Variants in RBM20 observed in about 807,000 individuals in gnomAD.
RBM20 encodes the protein RNA-binding protein 20.
RBM20 carries 51 observed loss-of-function variants against 110.1 expected under a neutral mutation model. The ratio of observed to expected loss-of-function variants is 0.46; its 90% confidence interval spans 0.37 to 0.59. The LOEUF is 0.59. Ranked by LOEUF, RBM20 falls within the 20% of genes least tolerant of loss-of-function variation. The pLI is 0.00. For synonymous variants in RBM20, 589 were observed against 618.2 expected, an observed-to-expected ratio of 0.95 and a Z score of 0.70; for missense variants, 1,512 against 1,574.9, an observed-to-expected ratio of 0.96 and a Z score of 0.68.
At chr10:110,726,981 G>A (rs1843566929) in intron 1 of RBM20, among the ~76,000 whole-genome samples, 1 of 152,036 alleles carries the variant, frequency 6.6e-6, no homozygotes. Context: ...GGAGTAGCTG[G>A]TATCACAGGT....
At chr10:110,724,551 G>A (rs1843541501) in intron 1 of RBM20, among the ~76,000 whole-genome samples, 1 of 152,154 alleles carries the variant, frequency 6.6e-6, no homozygotes, top group African/African-American at 2.4e-5. Flanking sequence ...CTGTGAGTGG[G>A]GAGAAGCATT....
chr10:110,709,480 A>T (rs1389587160), intron 1 of RBM20, among the ~76,000 whole-genome samples: 1 of 151,508 alleles, frequency 6.6e-6, no homozygotes, highest in African/African-American at 2.4e-5. Flanking sequence ...ACCATCTCTT[A>T]CTTTTCTGTC....
intron 1 of RBM20, among the ~76,000 whole-genome samples, chr10:110,705,687 A>G (rs746488069): frequency 6.6e-6 from 1 of 152,220 alleles, no homozygotes; most frequent in Non-Finnish European, 1.5e-5. Context: ...AAACTTACAT[A>G]TATATTAATC....
rs138023614 is a variant in RBM20 at position 110,802,595 on chromosome 10, G to T, written c.1800+2677G>T. 1.1e-3 allele frequency among the ~76,000 whole-genome samples: 161 copies of T among 152,264 alleles called. 2 individuals carry two copies. Among genetic ancestry groups the T allele is most frequent in the Middle Eastern group, 6.8e-3 (2 of 294 alleles). On this transcript the variant is annotated intron_variant, in intron 7 of 13. Coordinates refer to ENST00000369519, the MANE Select transcript of RBM20 (RefSeq NM_001134363.3). ...TAATTAGGATTAACGGCAGTAATTGGCTTCTTAAATTAAAGTACCAAAGCA... is the reference window on the plus strand; with the variant it reads ...TAATTAGGATTAACGGCAGTAATTGTCTTCTTAAATTAAAGTACCAAAGCA...
rs548885521 is a variant in RBM20 at position 110,753,232 on chromosome 10, G to A, written c.192-27569G>A. Reference sequence around the variant, plus strand: ...ACAGGTGTGAGCCACCGTGCCTGGCGAAATTATAATATTTATACTGACAGT... The same window carrying A: ...ACAGGTGTGAGCCACCGTGCCTGGCAAAATTATAATATTTATACTGACAGT... On this transcript the variant is annotated intron_variant, in intron 1 of 13. Transcript: ENST00000369519. 6.6e-5 allele frequency among the ~76,000 whole-genome samples: 10 copies of A among 151,012 alleles called. No individual in the cohort carries two copies. The East Asian group carries it at 1.4e-3, about 21-fold the overall frequency.
At chr10:110,702,991 G>GTTTTTTTTTTTTT (rs11309120) in intron 1 of RBM20, among the ~76,000 whole-genome samples, 1 of 125,188 alleles carries the variant, frequency 8.0e-6, no homozygotes, top group African/African-American at 2.8e-5. Flanking sequence ...TTTTTTTCTT[G>GTTTTTTTTTTTTT]TTTTTTTTTT....
At chr10:110,741,630 C>A (rs1013493417) in intron 1 of RBM20, among the ~76,000 whole-genome samples, 1 of 152,208 alleles carries the variant, frequency 6.6e-6, no homozygotes, top group African/African-American at 2.4e-5. Flanking sequence ...ACTGCCCCAC[C>A]AAGCCTTCTG....
intron 1 of RBM20, among the ~76,000 whole-genome samples, chr10:110,665,665 T>G (rs7911029): frequency 0.28 from 42,106 of 151,990 alleles, 6,154 homozygotes; most frequent in Middle Eastern, 0.35. Context: ...ATATATATGA[T>G]AATCTATGAT....
chr10:110,735,520 C>T (rs867102422), intron 1 of RBM20, among the ~76,000 whole-genome samples: 12 of 152,214 alleles, frequency 7.9e-5, no homozygotes, highest in Middle Eastern at 3.4e-3. Context: ...ATGTGTTTTC[C>T]GAGCCTCCTG....
chr10:110,819,809 G>A (rs550287622), intron 9 of RBM20, among the ~76,000 whole-genome samples: 1 of 152,224 alleles, frequency 6.6e-6, no homozygotes, highest in South Asian at 2.1e-4. Context: ...AAAGACATCG[G>A]GCCAGGCTTC....
At chr10:110,652,438 GA>G (rs1861963908) in intron 1 of RBM20, among the ~76,000 whole-genome samples, 1 of 152,092 alleles carries the variant, frequency 6.6e-6, no homozygotes. Context: ...TACAATAAAA[GA>G]AAACAATAAA....
intron 1 of RBM20, among the ~76,000 whole-genome samples, chr10:110,706,433 T>C (rs1295542198): frequency 6.6e-6 from 1 of 152,244 alleles, no homozygotes; most frequent in Non-Finnish European, 1.5e-5. Flanking sequence ...AGGTTGGAGC[T>C]CAGCGTGACC....
chr10:110,700,744 G>A (rs952778358), intron 1 of RBM20, among the ~76,000 whole-genome samples: 3 of 152,134 alleles, frequency 2.0e-5, no homozygotes, highest in Non-Finnish European at 2.9e-5. Flanking sequence ...GGCCAGGCAC[G>A]GTGGCTCACC....
intron 1 of RBM20, among the ~76,000 whole-genome samples, chr10:110,716,501 A>G (rs964327084): frequency 4.6e-5 from 7 of 152,212 alleles, no homozygotes; most frequent in African/African-American, 1.7e-4. Flanking sequence ...GTGATCTAAT[A>G]TTGCAAGTTA....
intron 7 of RBM20, among the ~76,000 whole-genome samples, chr10:110,803,633 G>A (rs867435171): frequency 4.6e-5 from 7 of 151,946 alleles, no homozygotes; most frequent in Non-Finnish European, 8.8e-5. Flanking sequence ...TCCCCAAGCT[G>A]CCATATTCCC....
chr10:110,703,883 G>T (rs550312330), intron 1 of RBM20, among the ~76,000 whole-genome samples: 1 of 152,180 alleles, frequency 6.6e-6, no homozygotes. Context: ...AGGCCACGGT[G>T]GGTGGATCAC....
At chr10:110,710,488 C>A (rs1862908396) in intron 1 of RBM20, among the ~76,000 whole-genome samples, 1 of 139,696 alleles carries the variant, frequency 7.2e-6, no homozygotes, top group Non-Finnish European at 1.6e-5. Context: ...AATATTGGGG[C>A]TGCCCCACTG....
At chr10:110,684,308 C>T (rs1420288793) in intron 1 of RBM20, among the ~76,000 whole-genome samples, 9 of 152,008 alleles carry the variant, frequency 5.9e-5, no homozygotes, top group Non-Finnish European at 7.4e-5. Context: ...GCAGGAGAAT[C>T]GTTTGAACCC....
chr10:110,820,088 A>C lies in RBM20; in HGVS notation c.2567A>C (p.Gln856Pro), dbSNP rs1442388691. The C allele has an allele frequency of 1.3e-6, 2 of 1,550,030 alleles. No individual in the cohort carries two copies. The highest frequency in any genetic ancestry group is 1.7e-6 in the Non-Finnish European group (2 of 1,145,734). The change falls in exon 10 of 14, where the codon CAG becomes CCG. Residue 856 changes from glutamine to proline, a missense_variant. Gln to Pro is a moderately conservative substitution (Grantham distance 76). Coordinates refer to ENST00000369519, the MANE Select transcript of RBM20 (RefSeq NM_001134363.3). ...MAENEAGKEE[Q>P]EGMEESPQSV... ...TTTGATAAGGCTGGAAAAGAGGAACAGGAGGGCATGGAAGAAAGCCCTCAA... is the reference window on the plus strand; with the variant it reads ...TTTGATAAGGCTGGAAAAGAGGAACCGGAGGGCATGGAAGAAAGCCCTCAA...
Sources: allele counts gnomAD v4.1 joint callset (sites outside exome capture counted in the v4.1 genomes callset), GRCh38; gene constraint gnomAD v4.1.1; transcripts MANE v1.5; gene names NCBI Gene and HGNC (gene_info 2026-07-23, HGNC 2026-07-21).